Variants in CDK4 observed in about 807,000 individuals in gnomAD.
CDK4 encodes the protein cyclin-dependent kinase 4.
In CDK4, 13 loss-of-function variants were observed where a neutral mutation model predicts 36.7. The observed-to-expected ratio is 0.35, with a 90% CI of 0.23 to 0.56. The LOEUF is 0.56. Among genes scored for constraint, CDK4 ranks in the 20% least tolerant of loss-of-function variants. The pLI, the probability that CDK4 is intolerant of heterozygous loss-of-function variation, is 0.85. For missense variants in CDK4, 285 were observed against 387.3 expected, an observed-to-expected ratio of 0.74 and a Z score of 2.22; for synonymous variants, 158 against 146.4, an observed-to-expected ratio of 1.08 and a Z score of -0.57.
chr12:57,748,489 C>T lies in CDK4; in HGVS notation c.*36G>A, dbSNP rs2140380808. The T allele has an allele frequency of 2.0e-6, 3 of 1,471,562 alleles. No individual in the cohort carries two copies. The highest frequency in any genetic ancestry group is 2.9e-6 in the Non-Finnish European group (3 of 1,050,596). 91.2% of individuals were successfully genotyped at this position (1,471,562 alleles called of 1,614,324 possible). A position where few individuals can be genotyped will look rare whatever the true frequency, so the allele number is the denominator to read the frequency against. On this transcript the variant is annotated 3_prime_UTR_variant, in exon 8 of 8. Coordinates refer to ENST00000257904, the MANE Select transcript of CDK4 (RefSeq NM_000075.4). ...CTCTCAGTGTCCAGAAGGGAAATGG[C>T]AGCTTTTCTTCCTTCCATGGCAGCC... is the stretch of plus-strand genomic sequence containing the variant.
Position 57,751,470 on chromosome 12 carries a change from C to G in CDK4, c.218+30G>C, listed in dbSNP as rs1357743724. 3 of 1,611,636 alleles carry G rather than the reference C, an allele frequency of 1.9e-6. No homozygotes were observed. The highest frequency in any genetic ancestry group is 2.5e-6 in the Non-Finnish European group (3 of 1,178,236). On this transcript the variant is annotated intron_variant, in intron 2 of 7. Transcript: ENST00000257904. The surrounding 1 kb of genome is among the most constrained non-coding windows in gnomAD (Gnocchi z 4.5). ...TATAGGCTGTCTTTTCCCTTTACTC[C>G]CCACGCCCAACCCTCCACCACCTTC...
In CDK4 at chr12:57,747,921, T is replaced by C. The variant is rs1319478688; in HGVS notation, c.*604A>G. The C allele has an allele frequency of 5.4e-6, 1 of 186,848 alleles. No homozygotes were observed. Among genetic ancestry groups the C allele is most frequent in the African/African-American group, 2.4e-5 (1 of 42,350 alleles). 11.6% of individuals were successfully genotyped at this position (186,848 alleles called of 1,614,324 possible). ...CCACGCCTGACTAATTTTGTATTTT[T>C]AGTAGAGACAGGGTTTCACCATGTT... On this transcript the variant is annotated 3_prime_UTR_variant, in exon 8 of 8. Transcript: ENST00000257904.
At chr12:57,748,702 TTTTTTC>T (rs779738316) in intron 7 of CDK4, 85 bp from the exon 8 acceptor site, 15 of 898,576 alleles carry the variant, frequency 1.7e-5, no homozygotes, top group Non-Finnish European at 2.5e-5. Flanking sequence ...AGCTTTCTTC[TTTTTTC>T]TTTTTTTTTT....
Position 57,751,804 on chromosome 12 carries a change from A to C in CDK4, c.-19-68T>G. ...TAGGATGGTATGAGCCTGCAGCAAC[A>C]AAGGGACTCCCAAAAAAAAAGCGCA... On this transcript the variant is annotated intron_variant, in intron 1 of 7. Transcript: ENST00000257904. This position sits in a 1 kb window ranked among gnomAD's most constrained non-coding sequence, Gnocchi z 4.5. 3 of 1,156,216 alleles carry C rather than the reference A, an allele frequency of 2.6e-6. No individual in the cohort carries two copies. The South Asian group carries it at 3.9e-5, about 15-fold the overall frequency. The allele number at this position is 1,156,216 out of a possible 1,614,324, so 71.6% of individuals were successfully genotyped here. A position where few individuals can be genotyped will look rare whatever the true frequency, so the allele number is the denominator to read the frequency against.
chr12:57,750,571 A>G lies in CDK4; in HGVS notation c.632+85T>C, dbSNP rs757690424. ...AACACAGCAAGCCCTGGTCTCAAAA[A>G]AAAAGAATGGGCAAGGTATGGATGT... On this transcript the variant is annotated intron_variant, in intron 5 of 7. Transcript: ENST00000257904. 6.1e-6 allele frequency: 6 copies of G among 986,272 alleles called. No homozygotes were observed. The Admixed American group carries it at 8.5e-5, about 14-fold the overall frequency. The allele number at this position is 986,272 out of a possible 1,614,324, so 61.1% of individuals were successfully genotyped here. A position where few individuals can be genotyped will look rare whatever the true frequency, so the allele number is the denominator to read the frequency against.
rs140233512 is a variant in CDK4 at position 57,750,153 on chromosome 12, C to CAATAAATAAATA, written c.632+491_632+502dup. The CAATAAATAAATA allele has an allele frequency of 8.6e-4, 122 of 142,116 alleles. 1 individual carries two copies. Among genetic ancestry groups the CAATAAATAAATA allele is most frequent in the African/African-American group, 2.9e-3 (111 of 38,192 alleles). The allele number at this position is 142,116 out of a possible 1,614,324, so 8.8% of individuals were successfully genotyped here. A position where few individuals can be genotyped will look rare whatever the true frequency, so the allele number is the denominator to read the frequency against. ...TGGGTGACAGAGTGAAACCTTATCT[C>CAATAAATAAATA]AATAAATAAATAAATAAATAAATAA... On this transcript the variant is annotated intron_variant, in intron 5 of 7. Coordinates refer to ENST00000257904, the MANE Select transcript of CDK4 (RefSeq NM_000075.4).
At chr12:57,750,545 C>T (rs931900988) in intron 5 of CDK4, 111 bp downstream of exon 5, 2 of 805,250 alleles carry the variant, frequency 2.5e-6, no homozygotes, top group Non-Finnish European at 4.4e-6. Flanking sequence ...CCAGCCTGGG[C>T]AACACAGCAA....
chr12:57,751,347 C>G lies in CDK4; in HGVS notation c.219-5G>C, dbSNP rs1286893141. 1.9e-6 allele frequency: 3 copies of G among 1,614,072 alleles called. No homozygotes were observed. In the East Asian group the frequency reaches 6.7e-5, roughly 36 times the overall value. The stretch of plus-strand genomic sequence containing the variant: ...GTGGCACAGACGTCCATCAGCCTGA[C>G]CAGAGTAAATGCTCACTTTTCAATC... On this transcript the variant is annotated splice_polypyrimidine_tract_variant and splice_region_variant and intron_variant, in intron 2 of 7. Coordinates refer to ENST00000257904, the MANE Select transcript of CDK4 (RefSeq NM_000075.4). The surrounding 1 kb of genome is among the most constrained non-coding windows in gnomAD (Gnocchi z 4.5).
Position 57,751,889 on chromosome 12 carries a change from A to G in CDK4, c.-19-153T>C. On this transcript the variant is annotated intron_variant, in intron 1 of 7. Transcript: ENST00000257904. The surrounding 1 kb of genome is among the most constrained non-coding windows in gnomAD (Gnocchi z 4.5). Reference sequence around the variant, plus strand: ...GTCTTCCTTGGGGCCGGCCCCAGAGATAACACAATGACTCAATACCAACCC... The same window carrying G: ...GTCTTCCTTGGGGCCGGCCCCAGAGGTAACACAATGACTCAATACCAACCC... 1.5e-6 allele frequency: 1 copy of G among 662,840 alleles called. No individual in the cohort carries two copies. The highest frequency in any genetic ancestry group is 2.7e-6 in the Non-Finnish European group (1 of 374,008). The allele number at this position is 662,840 out of a possible 1,614,324, so 41.1% of individuals were successfully genotyped here.
chr12:57,752,094 A>C, intron 1 of CDK4, 81 bp downstream of exon 1: 2 of 346,462 alleles, frequency 5.8e-6, no homozygotes, highest in South Asian at 2.5e-5. Context: ...CCCTTCCATA[A>C]CCAGCTCGCG....
In CDK4 at chr12:57,751,036, C is replaced by G. The variant is rs150281463; in HGVS notation, c.409G>C (p.Val137Leu). The change falls in exon 4 of 8, where the codon GTT becomes CTT. Residue 137 changes from valine to leucine, a missense_variant. Val to Leu is a conservative substitution (Grantham distance 32). Transcript: ENST00000257904. This position sits in a 1 kb window ranked among gnomAD's most constrained non-coding sequence, Gnocchi z 4.5. ...GLDFLHANCI[V>L]HRDLKPENIL... The stretch of plus-strand genomic sequence containing the variant: ...TTCTCTGGCTTCAGATCTCGGTGAA[C>G]GATGCAATTGGCATGAAGGAAATCT... The G allele has an allele frequency of 4.3e-6, 7 of 1,614,028 alleles. No homozygotes were observed. The African/African-American group carries it at 9.3e-5, about 22-fold the overall frequency.
At chr12:57,748,850 C>T (rs766068465) in intron 7 of CDK4, 20 of 554,300 alleles carry the variant, frequency 3.6e-5, no homozygotes, top group Non-Finnish European at 5.5e-5. Context: ...AGATTACAGG[C>T]GTGTGCCACC....
At position 57,747,942 on chromosome 12, in the gene CDK4, A is replaced by G; in HGVS notation, c.*583T>C. On this transcript the variant is annotated 3_prime_UTR_variant, in exon 8 of 8. Transcript: ENST00000257904. ...TTTTTAGTAGAGACAGGGTTTCACC[A>G]TGTTAGTCAGGCTGGTCTCGAACTC... 1 of 194,624 alleles carries G rather than the reference A, an allele frequency of 5.1e-6. No individual in the cohort carries two copies. The highest frequency in any genetic ancestry group is 1.1e-5 in the Non-Finnish European group (1 of 93,020). The allele number at this position is 194,624 out of a possible 1,614,324, so 12.1% of individuals were successfully genotyped here. A position where few individuals can be genotyped will look rare whatever the true frequency, so the allele number is the denominator to read the frequency against.
Position 57,751,815 on chromosome 12 carries a change from CAAAA to C in CDK4, c.-19-83_-19-80del, listed in dbSNP as rs201254541. On this transcript the variant is annotated intron_variant, in intron 1 of 7. Coordinates refer to ENST00000257904, the MANE Select transcript of CDK4 (RefSeq NM_000075.4). The surrounding 1 kb of genome is among the most constrained non-coding windows in gnomAD (Gnocchi z 4.5). Reference sequence around the variant, plus strand: ...GAGCCTGCAGCAACAAAGGGACTCCCAAAAAAAAAGCGCAAAGAACACCACCAGC... The same window carrying C: ...GAGCCTGCAGCAACAAAGGGACTCCCAAAAAGCGCAAAGAACACCACCAGC... 7 of 1,021,794 alleles carry C rather than the reference CAAAA, an allele frequency of 6.9e-6. No homozygotes were observed. The highest frequency in any genetic ancestry group is 4.2e-4 in the Middle Eastern group (2 of 4,712). The allele number at this position is 1,021,794 out of a possible 1,614,324, so 63.3% of individuals were successfully genotyped here.
At chr12:57,750,434 G>C (rs1426787156) in intron 5 of CDK4, 1 of 547,520 alleles carries the variant, frequency 1.8e-6, no homozygotes, top group East Asian at 3.5e-5. Flanking sequence ...AAGCATGGAG[G>C]TGCGTGCCTG....
chr12:57,751,648 G>A lies in CDK4; in HGVS notation c.70C>T (p.Arg24Cys), dbSNP rs11547328. The A allele has an allele frequency of 6.2e-7, 1 of 1,614,170 alleles. No homozygotes were observed. The highest frequency in any genetic ancestry group is 2.2e-5 in the East Asian group (1 of 44,876). Reference sequence around the variant, plus strand: ...ACAAAGTGGCCACTGTGGGGATCACGGGCCTTGTACACTGTCCCATAGGCA... The same window carrying A: ...ACAAAGTGGCCACTGTGGGGATCACAGGCCTTGTACACTGTCCCATAGGCA... ...VGAYGTVYKA[R>C]DPHSGHFVAL... Residue 24 changes from arginine to cysteine, a missense_variant, in exon 2 of 8, where the codon CGT becomes TGT. By Grantham distance (180) the Arg-to-Cys change is radical. Transcript: ENST00000257904. The surrounding 1 kb of genome is among the most constrained non-coding windows in gnomAD (Gnocchi z 4.5).
chr12:57,750,278 A>C, intron 5 of CDK4: 1 of 289,602 alleles, frequency 3.5e-6, no homozygotes, highest in East Asian at 8.2e-5. Context: ...AGTTAGTAGT[A>C]CGCAAGTAAA....
Position 57,751,006 on chromosome 12 carries a change from GA to G in CDK4, c.438del (p.Leu147TrpfsTer2). 6.2e-7 allele frequency: 1 copy of G among 1,614,184 alleles called. No homozygotes were observed. Among genetic ancestry groups the G allele is most frequent in the Non-Finnish European group, 8.5e-7 (1 of 1,180,026 alleles). On this transcript the variant is annotated frameshift_variant, in exon 4 of 8. Transcript: ENST00000257904. LOFTEE classifies it high-confidence loss of function. This position sits in a 1 kb window ranked among gnomAD's most constrained non-coding sequence, Gnocchi z 4.5. ...IVHRDLKPENILVTSGGTVKL... is the reference protein window; with the variant it reads ...IVHRDLKPENXLVTSGGTVKL... ...TTGACTGTTCCACCACTTGTCACCA[GA>G]ATGTTCTCTGGCTTCAGATCTCGGT...
Position 57,748,202 on chromosome 12 carries a change from C to G in CDK4, c.*323G>C. 2.7e-6 allele frequency: 1 copy of G among 367,852 alleles called. No homozygotes were observed. The highest frequency in any genetic ancestry group is 4.5e-5 in the Admixed American group (1 of 22,264). 22.8% of individuals were successfully genotyped at this position (367,852 alleles called of 1,614,324 possible). A position where few individuals can be genotyped will look rare whatever the true frequency, so the allele number is the denominator to read the frequency against. Reference sequence around the variant, plus strand: ...TTTCCAAATCGCACAATGGCAAAGCCAAACAGAGGAAGAAACATTAAAAAA... The same window carrying G: ...TTTCCAAATCGCACAATGGCAAAGCGAAACAGAGGAAGAAACATTAAAAAA... On this transcript the variant is annotated 3_prime_UTR_variant, in exon 8 of 8. Transcript: ENST00000257904.
Sources: allele counts gnomAD v4.1 joint callset, GRCh38; gene constraint gnomAD v4.1.1; non-coding constraint Gnocchi (gnomAD v3.1); transcripts MANE v1.5; gene names NCBI Gene and HGNC (gene_info 2026-07-23, HGNC 2026-07-21).